Variants in PDCD6IP observed in about 807,000 individuals in gnomAD.
PDCD6IP encodes programmed cell death 6 interacting protein.
In PDCD6IP, 43 loss-of-function variants were observed where a neutral mutation model predicts 103.7. The observed-to-expected ratio is 0.41, with a 90% CI of 0.32 to 0.53. The LOEUF is 0.53. PDCD6IP is among the 20% of genes least tolerant of loss of function. The pLI is 0.16. For missense variants in PDCD6IP, 871 were observed against 1,036.7 expected (o/e 0.84, Z 2.20); for synonymous variants, 354 against 378.7 (o/e 0.93, Z 0.76).
intron 9 of PDCD6IP, among the ~76,000 whole-genome samples, chr3:33,839,965 A>G (rs1697433202): frequency 6.6e-6 from 1 of 152,140 alleles, no homozygotes; most frequent in Admixed American, 6.5e-5. Context: ...ATAGTTAAAG[A>G]CTTCTTTACA....
At chr3:33,819,771 G>A (rs1486880846) in intron 3 of PDCD6IP, among the ~76,000 whole-genome samples, 1 of 152,222 alleles carries the variant, frequency 6.6e-6, no homozygotes, top group Non-Finnish European at 1.5e-5. Flanking sequence ...CATTATGCAA[G>A]ATCTTGAATT....
At chr3:33,862,556 T>A (rs1374269482) in intron 15 of PDCD6IP, among the ~76,000 whole-genome samples, 2 of 152,234 alleles carry the variant, frequency 1.3e-5, no homozygotes, top group African/African-American at 4.8e-5. Flanking sequence ...TATTTAATAC[T>A]AAATTGTAAT....
At chr3:33,824,485 T>C (rs1461622699) in intron 4 of PDCD6IP, among the ~76,000 whole-genome samples, 2 of 152,174 alleles carry the variant, frequency 1.3e-5, no homozygotes, top group Non-Finnish European at 2.9e-5. Flanking sequence ...CTTGAACTCC[T>C]GACCTCAGGT....
intron 4 of PDCD6IP, among the ~76,000 whole-genome samples, chr3:33,824,526 G>A (rs1697068508): frequency 6.6e-6 from 1 of 152,016 alleles, no homozygotes; most frequent in South Asian, 2.1e-4. Context: ...CCAAAGTGCC[G>A]GGATTAACAG....
At chr3:33,840,413 A>T (rs1697443087) in intron 9 of PDCD6IP, among the ~76,000 whole-genome samples, 1 of 152,192 alleles carries the variant, frequency 6.6e-6, no homozygotes, top group Non-Finnish European at 1.5e-5. Context: ...ACACGGACTC[A>T]TGTAGTTCAA....
chr3:33,855,221 T>G lies in PDCD6IP; in HGVS notation c.2081T>G (p.Ile694Arg). Residue 694 changes from isoleucine (I) to arginine (R), a missense_variant, in exon 15 of 18, where the codon ATA (isoleucine) becomes AGA (arginine). Physicochemically the swap from Ile to Arg is moderately conservative, Grantham distance 97 (BLOSUM62 -3). Coordinates refer to ENST00000307296, the MANE Select transcript of PDCD6IP (RefSeq NM_013374.6). ...LVRFQNKCSDIVFARKTERDE... is the reference protein window; with the variant it reads ...LVRFQNKCSDRVFARKTERDE... ...AGGTTCCAGAACAAATGCAGTGATA[T>G]AGTTTTTGCACGGAAGACAGAAAGA... The G allele has an allele frequency of 6.2e-7, 1 of 1,611,150 alleles. No homozygotes were observed. The highest frequency in any genetic ancestry group is 8.5e-7 in the Non-Finnish European group (1 of 1,177,442).
intron 4 of PDCD6IP, among the ~76,000 whole-genome samples, chr3:33,822,497 CAAG>C (rs377202418): frequency 4.4e-4 from 67 of 152,140 alleles, no homozygotes; most frequent in African/African-American, 1.5e-3. Context: ...AAAATAAAGA[CAAG>C]AAATTGGCAA....
chr3:33,811,074 C>T, intron 1 of PDCD6IP: 1 of 439,174 alleles, frequency 2.3e-6, no homozygotes, highest in Non-Finnish European at 4.6e-6. Flanking sequence ...TTAGTAGAGA[C>T]AGGGTTTTGC....
At chr3:33,851,163 C>CATGGGA (rs1157702267) in intron 12 of PDCD6IP, among the ~76,000 whole-genome samples, 1 of 151,964 alleles carries the variant, frequency 6.6e-6, no homozygotes, top group Non-Finnish European at 1.5e-5. Context: ...TAGGGGAATC[C>CATGGGA]ATGGGAATTG....
chr3:33,858,156 TGAA>T (rs1697869782), intron 15 of PDCD6IP, among the ~76,000 whole-genome samples: 1 of 152,104 alleles, frequency 6.6e-6, no homozygotes, highest in Non-Finnish European at 1.5e-5. Context: ...GAGGATAAGA[TGAA>T]GAGACCCACT....
At chr3:33,823,968 A>G (rs1273377846) in intron 4 of PDCD6IP, among the ~76,000 whole-genome samples, 2 of 152,152 alleles carry the variant, frequency 1.3e-5, no homozygotes, top group African/African-American at 2.4e-5. Context: ...AACTGGTGGT[A>G]TTAGACCTAG....
rs1696388983 is a variant in PDCD6IP, at chr3:33,798,684, C to T, written c.-45C>T. 1 of 1,479,340 alleles carries T rather than the reference C, an allele frequency of 6.8e-7. No individual in the cohort carries two copies. The highest frequency in any genetic ancestry group is 9.1e-7 in the Non-Finnish European group (1 of 1,098,344). 91.6% of individuals were successfully genotyped at this position (1,479,340 alleles called of 1,614,324 possible). On this transcript the variant is annotated 5_prime_UTR_variant, in exon 1 of 18. Transcript: ENST00000307296. The stretch of plus-strand genomic sequence containing the variant: ...CCTCTCTCTCCTCGGCCCTCGTAAG[C>T]TGTCCGCGGTCTGTTTGGCCCGAAC...
chr3:33,852,319 T>C (rs1055019369), intron 12 of PDCD6IP, among the ~76,000 whole-genome samples, 169 bp from the exon 13 acceptor site: 8 of 152,154 alleles, frequency 5.3e-5, no homozygotes, highest in African/African-American at 1.7e-4. Context: ...ATGAGTCAAC[T>C]GAAGGTACAG....
intron 6 of PDCD6IP, chr3:33,827,024 C>A (rs965253400): frequency 1.0e-6 from 1 of 993,606 alleles, no homozygotes; most frequent in African/African-American, 1.7e-5. Context: ...GAAAACTTAA[C>A]AAATTCATCT....
chr3:33,835,777 T>C (rs75962153), intron 7 of PDCD6IP, among the ~76,000 whole-genome samples: 2,332 of 152,298 alleles, frequency 0.015, 25 homozygotes, highest in South Asian at 0.026. Flanking sequence ...AATGTCAGTT[T>C]ATACTGATGG....
At chr3:33,835,980 G>A (rs1295209460) in intron 7 of PDCD6IP, 64 bp from the exon 8 acceptor site, 1 of 921,196 alleles carries the variant, frequency 1.1e-6, no homozygotes, top group Non-Finnish European at 1.7e-6. Context: ...AATACTTGGT[G>A]GGGAAAGAGA....
chr3:33,863,951 ATG>A (rs1698008543), intron 15 of PDCD6IP, 53 bp from the exon 16 acceptor site: 2 of 1,117,132 alleles, frequency 1.8e-6, no homozygotes, highest in Admixed American at 3.6e-5. Context: ...CTGATATTTT[ATG>A]TGTGTTAATT....
rs1320875498 is a variant in PDCD6IP at position 33,814,766 on chromosome 3, CACAT to C, written c.334+1140_334+1143del. Among the ~76,000 whole-genome samples the C allele has an allele frequency of 9.0e-5, 13 of 144,030 alleles. No homozygotes were observed. The South Asian group carries it at 2.0e-3, about 22-fold the overall frequency. The allele number at this position is 144,030 out of a possible 152,430, so 94.5% of individuals were successfully genotyped here. A position where few individuals can be genotyped will look rare whatever the true frequency, so the allele number is the denominator to read the frequency against. ...ATATGTATATATACTTACATATACA[CACAT>C]ATATAGTATATTTGTATACATATAT... On this transcript the variant is annotated intron_variant, in intron 3 of 17. Coordinates refer to ENST00000307296, the MANE Select transcript of PDCD6IP (RefSeq NM_013374.6).
chr3:33,809,063 C>T (rs1696659859), intron 1 of PDCD6IP, among the ~76,000 whole-genome samples: 1 of 152,056 alleles, frequency 6.6e-6, no homozygotes. Context: ...AACTTTTTTT[C>T]ATGTAGTCAA....
Sources: gnomAD v4.1 joint callset for allele counts (sites outside exome capture counted in the v4.1 genomes callset) on GRCh38, gnomAD v4.1.1 for gene constraint, MANE v1.5 for transcripts, NCBI Gene and HGNC (gene_info 2026-07-23, HGNC 2026-07-21) for gene names.